Variants in ZNF653 observed in about 807,000 individuals in gnomAD.
ZNF653 encodes the protein zinc finger protein 653.
Under a neutral mutation model 59.9 loss-of-function variants are expected in ZNF653, and 37 were observed. That is an observed-to-expected ratio of 0.62 (90% CI 0.48 to 0.81). The LOEUF is 0.81. Ranked by LOEUF, ZNF653 falls within the 40% of genes least tolerant of loss-of-function variation. The pLI, the probability that ZNF653 is intolerant of heterozygous loss-of-function variation, is 0.00. For missense variants in ZNF653, 808 were observed against 881.1 expected, an observed-to-expected ratio of 0.92 and a Z score of 1.05; for synonymous variants, 435 against 371.8, an observed-to-expected ratio of 1.17 and a Z score of -1.96.
chr19:11,494,456 C>T lies in ZNF653; in HGVS notation c.559+1494G>A, dbSNP rs551477464. On this transcript the variant is annotated intron_variant, in intron 3 of 8. Coordinates refer to ENST00000293771, the MANE Select transcript of ZNF653 (RefSeq NM_138783.4). ...CTGTAATCCCAGAACTTTGGAAGGCCGAGGTGGGTGGATCAACTGAGGTCA... is the reference window on the plus strand; with the variant it reads ...CTGTAATCCCAGAACTTTGGAAGGCTGAGGTGGGTGGATCAACTGAGGTCA... Among the ~76,000 whole-genome samples the T allele has an allele frequency of 7.4e-4, 112 of 152,172 alleles. 1 individual carries two copies. The highest frequency in any genetic ancestry group is 2.1e-3 in the African/African-American group (89 of 41,490).
rs949932216 is a variant in ZNF653, at chr19:11,505,566, C to T, written c.221G>A (p.Arg74His). The T allele has an allele frequency of 2.0e-6, 3 of 1,512,720 alleles. No homozygotes were observed. In the African/African-American group the frequency reaches 4.3e-5, roughly 22 times the overall value. 93.7% of individuals were successfully genotyped at this position (1,512,720 alleles called of 1,614,324 possible). Residue 74 changes from arginine to histidine, a missense_variant, in exon 1 of 9, where the codon CGC (arginine) becomes CAC (histidine). Arg to His is a conservative substitution (Grantham distance 29). Coordinates refer to ENST00000293771, the MANE Select transcript of ZNF653 (RefSeq NM_138783.4). ...CTTGGCGTCGCTCCAGCCGCTGCGG[C>T]GCCGCAGGTCCACCCAGGGCCCGTG... is the stretch of plus-strand genomic sequence containing the variant. ...EAHGPWVDLR[R>H]RSGWSDAKLA...
intron 2 of ZNF653, among the ~76,000 whole-genome samples, chr19:11,497,078 A>C (rs1279719466): frequency 6.6e-6 from 1 of 150,834 alleles, no homozygotes; most frequent in Non-Finnish European, 1.5e-5. Context: ...TCCCCACTTC[A>C]CTCAGGTCTC....
chr19:11,497,880 C>T (rs1368853822), intron 2 of ZNF653, among the ~76,000 whole-genome samples: 2 of 152,206 alleles, frequency 1.3e-5, no homozygotes, highest in Non-Finnish European at 2.9e-5. Context: ...TCACTGCCAC[C>T]AGCTGGCCTT....
Position 11,505,408 on chromosome 19 carries a change from G to A in ZNF653, c.299+80C>T, listed in dbSNP as rs1386746720. The A allele has an allele frequency of 1.4e-5, 18 of 1,326,724 alleles. No individual in the cohort carries two copies. In the Admixed American group the frequency reaches 4.1e-4, roughly 30 times the overall value. 82.2% of individuals were successfully genotyped at this position (1,326,724 alleles called of 1,614,324 possible). Reference sequence around the variant, plus strand: ...CCGCAGGTGCCGGGGGCTGGCCCTAGAAGCGGAGGGGGCGGGGTAAAGCCC... The same window carrying A: ...CCGCAGGTGCCGGGGGCTGGCCCTAAAAGCGGAGGGGGCGGGGTAAAGCCC... On this transcript the variant is annotated intron_variant, in intron 1 of 8. Transcript: ENST00000293771.
chr19:11,496,006 T>C lies in ZNF653; in HGVS notation c.503A>G (p.Gln168Arg). Reference sequence around the variant, plus strand: ...GGGCTTCAGGGGCGAATGCAGGTCCTGGAAGTAGCGGTGGCCAGCTTCGCA... The same window carrying C: ...GGGCTTCAGGGGCGAATGCAGGTCCCGGAAGTAGCGGTGGCCAGCTTCGCA... ...WQCEAGHRYF[Q>R]DLHSPLKPLS... Residue 168 changes from glutamine to arginine, a missense_variant, in exon 3 of 9, where the codon CAG becomes CGG. Gln to Arg is a conservative substitution (Grantham distance 43). Transcript: ENST00000293771. The C allele has an allele frequency of 6.2e-7, 1 of 1,614,150 alleles. No individual in the cohort carries two copies. The highest frequency in any genetic ancestry group is 8.5e-7 in the Non-Finnish European group (1 of 1,180,014).
At chr19:11,499,013 C>T (rs1327117565) in intron 1 of ZNF653, among the ~76,000 whole-genome samples, 1 of 152,230 alleles carries the variant, frequency 6.6e-6, no homozygotes, top group South Asian at 2.1e-4. Context: ...GCGTGAGCCA[C>T]CGTGCCCAGC....
Position 11,505,706 on chromosome 19 carries a change from G to T in ZNF653, c.81C>A (p.Gly27=). 1.4e-6 allele frequency: 2 copies of T among 1,477,848 alleles called. No homozygotes were observed. Among genetic ancestry groups the T allele is most frequent in the Non-Finnish European group, 1.8e-6 (2 of 1,123,624 alleles). The allele number at this position is 1,477,848 out of a possible 1,614,324, so 91.5% of individuals were successfully genotyped here. A position where few individuals can be genotyped will look rare whatever the true frequency, so the allele number is the denominator to read the frequency against. The stretch of plus-strand genomic sequence containing the variant: ...GGCCCCGCGCCTTTCGGCCCGCTGC[G>T]CCCTCCTCGGCTGCTGCCTCCCCGC... ...GAGGEAAAEE[G]AAGRKARGRP... is the part of the protein sequence containing the mutation. The change falls in exon 1 of 9, where the codon GGC becomes GGA. Residue 27 remains glycine, a synonymous_variant. Coordinates refer to ENST00000293771, the MANE Select transcript of ZNF653 (RefSeq NM_138783.4).
rs773857963 is a variant in ZNF653 at position 11,487,801 on chromosome 19, G to A, written c.662C>T (p.Ala221Val). ...PEGQPVKAAA[A>V]AAAATPTSPV... ...GCTGGTGGGCGTCGCTGCCGCTGCC[G>A]CTGCCGCAGCCTTGACCGGCTGGCC... Residue 221 changes from alanine to valine, a missense_variant, in exon 4 of 9, where the codon GCG becomes GTG. Coordinates refer to ENST00000293771, the MANE Select transcript of ZNF653 (RefSeq NM_138783.4). The surrounding 1 kb of genome is among the most constrained non-coding windows in gnomAD (Gnocchi z 5.1). 2.1e-5 allele frequency: 34 copies of A among 1,612,102 alleles called. No homozygotes were observed. Among genetic ancestry groups the A allele is most frequent in the Non-Finnish European group, 2.8e-5 (33 of 1,179,498 alleles).
chr19:11,501,625 C>T, intron 1 of ZNF653, among the ~76,000 whole-genome samples: 1 of 152,176 alleles, frequency 6.6e-6, no homozygotes, highest in Non-Finnish European at 1.5e-5. Flanking sequence ...GACGGCTTCA[C>T]TCGGCCCAAC....
intron 3 of ZNF653, among the ~76,000 whole-genome samples, chr19:11,492,366 T>C (rs1971538506): frequency 6.6e-6 from 1 of 152,170 alleles, no homozygotes; most frequent in South Asian, 2.1e-4. Context: ...ATTTATTTTT[T>C]TGAGACAGTG....
At chr19:11,484,741 A>G (rs1032955160) in intron 7 of ZNF653, among the ~76,000 whole-genome samples, 1 of 151,970 alleles carries the variant, frequency 6.6e-6, no homozygotes, top group Non-Finnish European at 1.5e-5. Context: ...TCGCAAAATG[A>G]AAACAAAAAC....
chr19:11,484,190 T>G, intron 7 of ZNF653, 49 bp from the exon 8 acceptor site: 1 of 1,383,938 alleles, frequency 7.2e-7, no homozygotes, highest in Non-Finnish European at 1.0e-6. Context: ...ATGGGGTGTC[T>G]CTGATGTGCT....
rs1971458073 is a variant in ZNF653, at chr19:11,485,647, G to A, written c.1570+9C>T. On this transcript the variant is annotated intron_variant, in intron 7 of 8. Coordinates refer to ENST00000293771, the MANE Select transcript of ZNF653 (RefSeq NM_138783.4). ...CCCGCTCATGCTGCCAGCTGGCCCA[G>A]GGCCTGACCTGAATGGATGATCATG... 1 of 1,611,326 alleles carries A rather than the reference G, an allele frequency of 6.2e-7. No homozygotes were observed. The highest frequency in any genetic ancestry group is 1.7e-5 in the Admixed American group (1 of 60,002).
intron 1 of ZNF653, among the ~76,000 whole-genome samples, chr19:11,503,615 T>C (rs960436951): frequency 3.3e-5 from 5 of 152,028 alleles, no homozygotes; most frequent in Admixed American, 1.3e-4. Flanking sequence ...GTGACCAGCC[T>C]GGGCAACATG....
At chr19:11,497,163 T>C (rs554561610) in intron 2 of ZNF653, among the ~76,000 whole-genome samples, 66 of 152,334 alleles carry the variant, frequency 4.3e-4, no homozygotes, top group African/African-American at 1.5e-3. Context: ...CTGTCTGTTT[T>C]CTCCAGGTAG....
At chr19:11,491,083 A>C (rs1971525105) in intron 3 of ZNF653, among the ~76,000 whole-genome samples, 1 of 152,012 alleles carries the variant, frequency 6.6e-6, no homozygotes, top group Non-Finnish European at 1.5e-5. Context: ...TTGCGGCCCC[A>C]CCGGCCCCCT....
Position 11,505,547 on chromosome 19 carries a change from G to A in ZNF653, c.240C>T (p.Asp80=), listed in dbSNP as rs1218901409. ...VDLRRRSGWS[D]AKLAAYLISL... is the part of the protein sequence containing the mutation. ...AGATGAGGTAGGCGGCGAGCTTGGC[G>A]TCGCTCCAGCCGCTGCGGCGCCGCA... Residue 80 remains aspartate, a synonymous_variant, in exon 1 of 9, where the codon GAC becomes GAT. Coordinates refer to ENST00000293771, the MANE Select transcript of ZNF653 (RefSeq NM_138783.4). The A allele has an allele frequency of 1.3e-6, 2 of 1,513,930 alleles. No homozygotes were observed. Among genetic ancestry groups the A allele is most frequent in the Admixed American group, 2.1e-5 (1 of 47,458 alleles). The allele number at this position is 1,513,930 out of a possible 1,614,324, so 93.8% of individuals were successfully genotyped here.
chr19:11,490,976 C>T (rs1356408686), intron 3 of ZNF653, among the ~76,000 whole-genome samples: 9 of 152,200 alleles, frequency 5.9e-5, no homozygotes, highest in Non-Finnish European at 2.9e-5. Flanking sequence ...CTCTCTCACA[C>T]CCACTTCCAA....
chr19:11,501,015 C>T (rs79325797), intron 1 of ZNF653, among the ~76,000 whole-genome samples: 5,903 of 152,222 alleles, frequency 0.039, 145 homozygotes, highest in Admixed American at 0.07. Flanking sequence ...GCATCAAGGA[C>T]CACAGCTCCG....
Sources: allele counts gnomAD v4.1 joint callset (sites outside exome capture counted in the v4.1 genomes callset), GRCh38; gene constraint gnomAD v4.1.1; non-coding constraint Gnocchi (gnomAD v3.1); transcripts MANE v1.5; gene names NCBI Gene and HGNC (gene_info 2026-07-23, HGNC 2026-07-21).